Variants in CADPS2 observed in about 807,000 individuals in gnomAD.
CADPS2 encodes calcium dependent secretion activator 2.
Under a neutral mutation model 172.5 loss-of-function variants are expected in CADPS2, and 93 were observed. That is an observed-to-expected ratio of 0.54 (90% CI 0.46 to 0.64). The LOEUF (loss-of-function observed/expected upper bound fraction) is 0.64, where lower values mean the gene tolerates loss of function less well. CADPS2 is among the 30% of genes least tolerant of loss of function. The pLI is 0.00. For synonymous variants in CADPS2, 546 were observed against 555.2 expected (o/e 0.98, Z 0.23); for missense variants, 1,420 against 1,565.9 (o/e 0.91, Z 1.57).
intron 6 of CADPS2, among the ~76,000 whole-genome samples, chr7:122,614,899 T>A (rs1587848044): frequency 6.6e-6 from 1 of 152,342 alleles, no homozygotes; most frequent in African/African-American, 2.4e-5. Context: ...AAATTTGCTT[T>A]CCTTAGAAAT....
In CADPS2 at chr7:122,552,756, G is replaced by T. The variant is rs182749414; in HGVS notation, c.1475+1794C>A. 6.3e-4 allele frequency among the ~76,000 whole-genome samples: 94 copies of T among 149,152 alleles called. No individual in the cohort carries two copies. The East Asian group carries it at 0.018, about 29-fold the overall frequency. ...GCCATGGGTAAATTAGGGTCATCTCGGCACTATGATAGGTTCCTGTTTTTT... is the reference window on the plus strand; with the variant it reads ...GCCATGGGTAAATTAGGGTCATCTCTGCACTATGATAGGTTCCTGTTTTTT... On this transcript the variant is annotated intron_variant, in intron 8 of 29. Coordinates refer to ENST00000449022, the MANE Select transcript of CADPS2 (RefSeq NM_017954.11).
At chr7:122,823,543 A>G (rs755922910) in intron 1 of CADPS2, among the ~76,000 whole-genome samples, 1 of 152,100 alleles carries the variant, frequency 6.6e-6, no homozygotes, top group Non-Finnish European at 1.5e-5. Flanking sequence ...GCAGATTCTA[A>G]TTCAGTAGGC....
chr7:122,703,205 C>T (rs931706717), intron 2 of CADPS2, among the ~76,000 whole-genome samples: 1 of 152,084 alleles, frequency 6.6e-6, no homozygotes, highest in Non-Finnish European at 1.5e-5. Context: ...TGAAAATCTA[C>T]CCAGCCATAT....
chr7:122,781,632 C>A (rs1215660906), intron 1 of CADPS2, among the ~76,000 whole-genome samples: 8 of 152,092 alleles, frequency 5.3e-5, no homozygotes, highest in Non-Finnish European at 1.2e-4. Context: ...CTTAATCTAT[C>A]CTTTTCCTAA....
intron 5 of CADPS2, among the ~76,000 whole-genome samples, chr7:122,617,161 C>T (rs1376555543): frequency 6.6e-6 from 1 of 152,154 alleles, no homozygotes; most frequent in Non-Finnish European, 1.5e-5. Flanking sequence ...ACATGACCTC[C>T]TAAAACATAC....
intron 4 of CADPS2, among the ~76,000 whole-genome samples, chr7:122,623,179 G>A (rs2075766672): frequency 7.6e-6 from 1 of 131,656 alleles, no homozygotes; most frequent in Non-Finnish European, 1.6e-5. Flanking sequence ...CAGCAAATTT[G>A]TATCCTTAAG....
chr7:122,874,484 A>G (rs1421754160), intron 1 of CADPS2, among the ~76,000 whole-genome samples: 1 of 152,226 alleles, frequency 6.6e-6, no homozygotes, highest in Admixed American at 6.5e-5. Flanking sequence ...ATTCAATGCT[A>G]TCTCCATCAA....
At chr7:122,774,823 C>T (rs2093824889) in intron 1 of CADPS2, among the ~76,000 whole-genome samples, 1 of 152,134 alleles carries the variant, frequency 6.6e-6, no homozygotes, top group Admixed American at 6.5e-5. Context: ...ATGTATCTAA[C>T]TGTTTCATGA....
chr7:122,334,229 G>A (rs952091872), intron 28 of CADPS2, among the ~76,000 whole-genome samples: 1 of 151,984 alleles, frequency 6.6e-6, no homozygotes, highest in Admixed American at 6.6e-5. Flanking sequence ...CACTCACAAA[G>A]CTATGCTAAC....
chr7:122,379,141 C>A, intron 25 of CADPS2: 1 of 366,628 alleles, frequency 2.7e-6, no homozygotes, highest in Non-Finnish European at 5.0e-6. Flanking sequence ...TTTAAAATGA[C>A]AACAATTGTA....
intron 8 of CADPS2, among the ~76,000 whole-genome samples, chr7:122,540,181 A>G (rs1334476744): frequency 2.0e-5 from 3 of 152,110 alleles, no homozygotes; most frequent in Non-Finnish European, 4.4e-5. Context: ...CATATATGAC[A>G]TTATACTCAT....
intron 17 of CADPS2, among the ~76,000 whole-genome samples, chr7:122,421,767 G>A (rs947522854): frequency 2.6e-5 from 4 of 152,194 alleles, no homozygotes; most frequent in Admixed American, 6.5e-5. Context: ...TTAAATGTAA[G>A]CAGTATGTAA....
chr7:122,417,833 G>A (rs2048103359), intron 17 of CADPS2, among the ~76,000 whole-genome samples: 1 of 152,160 alleles, frequency 6.6e-6, no homozygotes, highest in African/African-American at 2.4e-5. Flanking sequence ...AAATGACCTG[G>A]GGAAGAGGAG....
chr7:122,631,393 G>A (rs1464397800), intron 3 of CADPS2, among the ~76,000 whole-genome samples: 2 of 152,066 alleles, frequency 1.3e-5, no homozygotes, highest in Admixed American at 6.6e-5. Flanking sequence ...AATTGTTTGA[G>A]TTATTTCTAA....
chr7:122,376,832 C>T (rs2042422209), intron 25 of CADPS2, among the ~76,000 whole-genome samples: 1 of 152,050 alleles, frequency 6.6e-6, no homozygotes, highest in African/African-American at 2.4e-5. Flanking sequence ...TGTATACTTA[C>T]CTACAAACTC....
At chr7:122,573,535 A>G (rs551921148) in intron 7 of CADPS2, among the ~76,000 whole-genome samples, 30 of 152,276 alleles carry the variant, frequency 2.0e-4, no homozygotes, top group Admixed American at 9.2e-4. Flanking sequence ...AAAACAAAAC[A>G]TAACAAAAAC....
chr7:122,490,248 A>C lies in CADPS2; in HGVS notation c.1685T>G (p.Val562Gly). Reference sequence around the variant, plus strand: ...AAAGATTACAGTATCTCCTTCTTTAACAGCATTAAAGAACATACAACCACC... The same window carrying C: ...AAAGATTACAGTATCTCCTTCTTTACCAGCATTAAAGAACATACAACCACC... ...LQGGCMFFNA[V>G]KEGDTVIFAS... The change falls in exon 11 of 30, where the codon GTT becomes GGT. Residue 562 changes from valine to glycine, a missense_variant. Transcript: ENST00000449022. 3.7e-6 allele frequency: 6 copies of C among 1,613,232 alleles called. No individual in the cohort carries two copies. The highest frequency in any genetic ancestry group is 1.1e-5 in the South Asian group (1 of 91,060).
At chr7:122,340,866 A>AT in intron 28 of CADPS2, among the ~76,000 whole-genome samples, 1 of 152,180 alleles carries the variant, frequency 6.6e-6, no homozygotes, top group South Asian at 2.1e-4. Context: ...AAAAAAAAAA[A>AT]AAAAAAAGGA....
chr7:122,824,525 A>G (rs904632200), intron 1 of CADPS2, among the ~76,000 whole-genome samples: 5 of 152,136 alleles, frequency 3.3e-5, no homozygotes, highest in Non-Finnish European at 5.9e-5. Context: ...ATAAAGGGCC[A>G]TTTGTATTTA....
Sources: gnomAD v4.1 joint callset for allele counts (sites outside exome capture counted in the v4.1 genomes callset) on GRCh38, gnomAD v4.1.1 for gene constraint, MANE v1.5 for transcripts, NCBI Gene and HGNC (gene_info 2026-07-23, HGNC 2026-07-21) for gene names.